The following TECTA variants were observed in gnomAD, a reference collection of about 807,000 sequenced individuals.
TECTA encodes the protein alpha-tectorin.
In TECTA, 128 loss-of-function variants were observed where a neutral mutation model predicts 216.8. The ratio of observed to expected loss-of-function variants is 0.59; its 90% CI spans 0.51 to 0.68. TECTA has a LOEUF of 0.68. Among genes scored for constraint, TECTA ranks in the 30% least tolerant of loss-of-function variants. The probability of loss-of-function intolerance (pLI) is 0.00; values close to 1 mark genes in which losing one functional copy is unlikely to be tolerated. For missense variants in TECTA, 2,551 were observed against 2,786.2 expected (o/e 0.92, Z 1.90); for synonymous variants, 1,089 against 1,117.1 (o/e 0.97, Z 0.50).
In TECTA at chr11:121,111,906, A is replaced by T. The variant is rs75576914; in HGVS notation, c.487-1166A>T. Among the ~76,000 whole-genome samples the T allele has an allele frequency of 2.1e-3, 327 of 152,322 alleles. 1 individual carries two copies. Among genetic ancestry groups the T allele is most frequent in the African/African-American group, 7.1e-3 (297 of 41,566 alleles). On this transcript the variant is annotated intron_variant, in intron 4 of 23. Coordinates refer to ENST00000392793, the MANE Select transcript of TECTA (RefSeq NM_005422.4). ...GAGCATGGGAAGAAAAGTTCTTTAC[A>T]AAAAGGGCTGTTCTTACTCATAGCT... is the stretch of plus-strand genomic sequence containing the variant.
At chr11:121,116,367 G>A (rs1427246991) in intron 6 of TECTA, among the ~76,000 whole-genome samples, 2 of 152,196 alleles carry the variant, frequency 1.3e-5, no homozygotes, top group African/African-American at 4.8e-5. Context: ...CCTTTGTCCA[G>A]GCATCACAGA....
Position 121,127,648 on chromosome 11 carries a change from C to A in TECTA, c.1775-104C>A. ...CTTCCCCGAGTGGCCGCTTGACCCT[C>A]ACTCTAGGAACTAAATGATCCAGGA... On this transcript the variant is annotated intron_variant, in intron 8 of 23. Transcript: ENST00000392793. This position sits in a 1 kb window ranked among gnomAD's most constrained non-coding sequence, Gnocchi z 5.0. The A allele has an allele frequency of 7.2e-7, 1 of 1,380,816 alleles. No homozygotes were observed. The highest frequency in any genetic ancestry group is 1.0e-6 in the Non-Finnish European group (1 of 971,600). 85.5% of individuals were successfully genotyped at this position (1,380,816 alleles called of 1,614,324 possible).
rs142869679 is a variant in TECTA, at chr11:121,129,777, G to C, written c.2507G>C (p.Arg836Pro). ...TCAGACATAGGTCTATTGTACATCC[G>C]GCTGTCCACCACATACTTCAATTGC... is the stretch of plus-strand genomic sequence containing the variant. ...QYSDIGLLYI[R>P]LSTTYFNCTG... Residue 836 changes from arginine to proline, a missense_variant, in exon 10 of 24, where the codon CGG becomes CCG. By Grantham distance (103) the Arg-to-Pro change is moderately radical (BLOSUM62 -2). Transcript: ENST00000392793. 5 of 1,614,082 alleles carry C rather than the reference G, an allele frequency of 3.1e-6. No homozygotes were observed. Among genetic ancestry groups the C allele is most frequent in the Non-Finnish European group, 4.2e-6 (5 of 1,180,052 alleles).
Position 121,191,135 on chromosome 11 carries a change from C to T in TECTA, c.*329C>T. On this transcript the variant is annotated 3_prime_UTR_variant, in exon 24 of 24. Coordinates refer to ENST00000392793, the MANE Select transcript of TECTA (RefSeq NM_005422.4). ...AGAGAAATCTGACTGGAAATCTGAC[C>T]AGAGAAATCTGTCAAGCCAGTGCTA... The T allele has an allele frequency of 3.0e-6, 1 of 331,484 alleles. No individual in the cohort carries two copies. The highest frequency in any genetic ancestry group is 2.7e-5 in the South Asian group (1 of 37,314). 20.5% of individuals were successfully genotyped at this position (331,484 alleles called of 1,614,324 possible).
rs563775304 is a variant in TECTA at position 121,153,038 on chromosome 11, G to T, written c.4263G>T (p.Leu1421=). ...TCCTCAACGGCAAGAGCTGCATCCT[G>T]CCCCACAGCTGCGGCTGCTACTCCG... ...GYVLNGKSCI[L]PHSCGCYSDG... The change falls in exon 13 of 24, where the codon CTG becomes CTT. Residue 1421 remains leucine (L), a synonymous_variant. Coordinates refer to ENST00000392793, the MANE Select transcript of TECTA (RefSeq NM_005422.4). 1 of 1,614,160 alleles carries T rather than the reference G, an allele frequency of 6.2e-7. No homozygotes were observed. The highest frequency in any genetic ancestry group is 2.2e-5 in the East Asian group (1 of 44,888).
chr11:121,159,596 G>T (rs1446378557), intron 14 of TECTA, among the ~76,000 whole-genome samples: 1 of 152,302 alleles, frequency 6.6e-6, no homozygotes, highest in East Asian at 1.9e-4. Flanking sequence ...TGTGTGTATA[G>T]GTCCTCTGGG....
intron 20 of TECTA, among the ~76,000 whole-genome samples, chr11:121,175,487 T>C (rs1227173656): frequency 1.3e-5 from 2 of 152,232 alleles, no homozygotes; most frequent in East Asian, 1.9e-4. Context: ...TCAGTTTCCA[T>C]GTAATTGAGC....
chr11:121,109,122 T>C (rs1946419591), intron 3 of TECTA, 89 bp from the exon 4 acceptor site: 2 of 1,456,744 alleles, frequency 1.4e-6, no homozygotes, highest in South Asian at 1.2e-5. Context: ...TTTTCATTCA[T>C]ACAGTTAGGC....
Position 121,189,815 on chromosome 11 carries a change from G to T in TECTA, c.6302G>T (p.Arg2101Leu). The change falls in exon 23 of 24, where the codon CGG becomes CTG. Residue 2101 changes from arginine (R) to leucine (L), a missense_variant. Transcript: ENST00000392793. ...NGGCEQICTS[R>L]VDGPLCSCVT... Reference sequence around the variant, plus strand: ...GGGTGTGAGCAGATTTGCACGAGCCGGGTGGATGGGCCTCTCTGCAGCTGT... The same window carrying T: ...GGGTGTGAGCAGATTTGCACGAGCCTGGTGGATGGGCCTCTCTGCAGCTGT... 6.2e-7 allele frequency: 1 copy of T among 1,613,962 alleles called. No homozygotes were observed. Among genetic ancestry groups the T allele is most frequent in the East Asian group, 2.2e-5 (1 of 44,874 alleles).
At position 121,160,461 on chromosome 11, in the gene TECTA, C is replaced by T. The variant is rs563685546; in HGVS notation, c.4976+40C>T. On this transcript the variant is annotated intron_variant, in intron 15 of 23. Coordinates refer to ENST00000392793, the MANE Select transcript of TECTA (RefSeq NM_005422.4). The stretch of plus-strand genomic sequence containing the variant: ...GTTCAAGCCACTAGACTTGGTGGCC[C>T]AAGTTCTCTCACGTCCATGGGTGGT... 17 of 1,601,056 alleles carry T rather than the reference C, an allele frequency of 1.1e-5. 1 individual carries two copies. The highest frequency in any genetic ancestry group is 8.0e-5 in the African/African-American group (6 of 74,932).
At chr11:121,106,111 T>C (rs1946388205) in intron 3 of TECTA, 147 bp downstream of exon 3, 2 of 1,260,060 alleles carry the variant, frequency 1.6e-6, no homozygotes, top group Non-Finnish European at 2.3e-6. Context: ...TTTCATGAGC[T>C]GATAGGTTTT....
At chr11:121,178,361 A>G (rs186855536) in intron 20 of TECTA, among the ~76,000 whole-genome samples, 2 of 152,338 alleles carry the variant, frequency 1.3e-5, no homozygotes, top group African/African-American at 4.8e-5. Context: ...GTGATATATG[A>G]CATTTATTGA....
At chr11:121,102,421 A>G (rs1242216342) in intron 1 of TECTA, among the ~76,000 whole-genome samples, 1 of 152,150 alleles carries the variant, frequency 6.6e-6, no homozygotes, top group Non-Finnish European at 1.5e-5. Flanking sequence ...GACAGTTTGA[A>G]TGATCTCATT....
At chr11:121,158,325 T>C (rs913531466) in intron 14 of TECTA, 101 bp downstream of exon 14, 1 of 1,496,160 alleles carries the variant, frequency 6.7e-7, no homozygotes, top group East Asian at 2.3e-5. Flanking sequence ...GTAGGATAGA[T>C]TGTTGCTTCA....
At chr11:121,121,958 T>C (rs1403762835) in intron 7 of TECTA, among the ~76,000 whole-genome samples, 1 of 152,108 alleles carries the variant, frequency 6.6e-6, no homozygotes, top group Non-Finnish European at 1.5e-5. Flanking sequence ...CTCTCCCTTT[T>C]TTCTTAGGGT....
chr11:121,190,672 C>G (rs756686571), intron 23 of TECTA, 34 bp from the exon 24 acceptor site: 12 of 1,516,698 alleles, frequency 7.9e-6, no homozygotes, highest in Admixed American at 1.7e-5. Flanking sequence ...ATTTTTCCCC[C>G]CATAGGGCTT....
intron 20 of TECTA, among the ~76,000 whole-genome samples, chr11:121,181,450 A>AATAATTATTATTATTATTATTATT (rs139722330): frequency 1.8e-4 from 27 of 148,274 alleles, no homozygotes; most frequent in Admixed American, 6.7e-4. Flanking sequence ...GTTGCTGGAG[A>AATAATTATTATTATTATTATTATT]ATTATTATTA....
Position 121,105,956 on chromosome 11 carries a change from ACTGT to A in TECTA, c.193_196del (p.Val65MetfsTer13). The A allele has an allele frequency of 6.2e-7, 1 of 1,614,218 alleles. No individual in the cohort carries two copies. The highest frequency in any genetic ancestry group is 8.5e-7 in the Non-Finnish European group (1 of 1,180,034). ...TTTCTTCTTTGGCGTTCCTTACCGCACTGTCTATGTAAGTGGAGAAGCAGCCCAT... is the reference window on the plus strand; with the variant it reads ...TTTCTTCTTTGGCGTTCCTTACCGCACTATGTAAGTGGAGAAGCAGCCCAT... On this transcript the variant is annotated frameshift_variant, in exon 3 of 24. Coordinates refer to ENST00000392793, the MANE Select transcript of TECTA (RefSeq NM_005422.4). LOFTEE classifies it high-confidence loss of function. This position sits in a 1 kb window ranked among gnomAD's most constrained non-coding sequence, Gnocchi z 5.3.
At position 121,109,492 on chromosome 11, in the gene TECTA, C is replaced by A. The variant is rs777381889; in HGVS notation, c.480C>A (p.Thr160=). 6.2e-7 allele frequency: 1 copy of A among 1,614,118 alleles called. No homozygotes were observed. Among genetic ancestry groups the A allele is most frequent in the East Asian group, 2.2e-5 (1 of 44,892 alleles). The change falls in exon 4 of 24, where the codon ACC becomes ACA. Residue 160 remains threonine (T), a synonymous_variant. Coordinates refer to ENST00000392793, the MANE Select transcript of TECTA (RefSeq NM_005422.4). ...EEVTFYGGSS[T]TPVNTFQAVL... ...TCACGTTTTATGGAGGCAGCAGCACCACACCTGTAATAATTCAAATTTTCT... is the reference window on the plus strand; with the variant it reads ...TCACGTTTTATGGAGGCAGCAGCACAACACCTGTAATAATTCAAATTTTCT...
Sources: gnomAD v4.1 joint callset for allele counts (sites outside exome capture counted in the v4.1 genomes callset) on GRCh38, gnomAD v4.1.1 for gene constraint, Gnocchi (gnomAD v3.1) non-coding constraint, MANE v1.5 for transcripts, NCBI Gene and HGNC (gene_info 2026-07-23, HGNC 2026-07-21) for gene names.